The following CNTNAP2 variants were observed in gnomAD, a reference collection of about 807,000 sequenced individuals.
CNTNAP2 encodes the protein contactin associated protein 2.
A neutral mutation model predicts 155.2 loss-of-function variants in CNTNAP2; 98 were observed. That is an observed-to-expected ratio of 0.63 (90% CI 0.54 to 0.75). CNTNAP2 has a LOEUF of 0.75. CNTNAP2 is among the 30% of genes least tolerant of loss of function. CNTNAP2 has a pLI of 0.00. For missense variants in CNTNAP2, 1,727 were observed against 1,688.1 expected (o/e 1.02, Z -0.40); for synonymous variants, 651 against 631.2 (o/e 1.03, Z -0.47).
chr7:147,179,696 T>G (rs1177259190), intron 8 of CNTNAP2, among the ~76,000 whole-genome samples: 3 of 152,070 alleles, frequency 2.0e-5, no homozygotes, highest in African/African-American at 7.2e-5. Flanking sequence ...AGAGCCTATA[T>G]TAAGTAGTTG....
intron 18 of CNTNAP2, 86 bp from the exon 19 acceptor site, chr7:148,217,202 A>T: frequency 1.5e-6 from 2 of 1,310,496 alleles, no homozygotes; most frequent in East Asian, 2.3e-5. Context: ...CAGTGCCTGC[A>T]CTCCATGAAC....
chr7:147,887,976 G>A (rs1799628313), intron 13 of CNTNAP2, among the ~76,000 whole-genome samples: 1 of 152,156 alleles, frequency 6.6e-6, no homozygotes, highest in African/African-American at 2.4e-5. Flanking sequence ...TCCCAGATTG[G>A]TAATGTCTCC....
chr7:146,564,276 G>C (rs1798324081), intron 1 of CNTNAP2, among the ~76,000 whole-genome samples: 1 of 152,036 alleles, frequency 6.6e-6, no homozygotes, highest in Non-Finnish European at 1.5e-5. Flanking sequence ...GTGCATAAGA[G>C]TCAAGACCTG....
chr7:146,733,357 C>A (rs182132529), intron 1 of CNTNAP2, among the ~76,000 whole-genome samples: 64 of 152,104 alleles, frequency 4.2e-4, no homozygotes, highest in African/African-American at 1.0e-3. Flanking sequence ...AAGCATTATT[C>A]TTTTCAGTTG....
intron 13 of CNTNAP2, among the ~76,000 whole-genome samples, chr7:147,735,803 T>G (rs894489637): frequency 6.6e-6 from 1 of 151,994 alleles, no homozygotes; most frequent in African/African-American, 2.4e-5. Context: ...TTTTGATCTT[T>G]GTTGGTTTAA....
At chr7:146,270,917 C>T (rs1800071672) in intron 1 of CNTNAP2, among the ~76,000 whole-genome samples, 1 of 151,982 alleles carries the variant, frequency 6.6e-6, no homozygotes, top group South Asian at 2.1e-4. Context: ...CTAATATGTA[C>T]AAGACCCCAT....
intron 21 of CNTNAP2, among the ~76,000 whole-genome samples, chr7:148,331,528 GATGGACGGATGGAGTGGATGGATGGA>G (rs2116561408): frequency 5.8e-5 from 1 of 17,098 alleles, no homozygotes; most frequent in South Asian, 1.1e-3. Flanking sequence ...GGATGGAATG[GATGGACGGATGGAGTGGATGGATGGA>G]ATGGACGGAT....
chr7:147,148,338 C>A (rs895525098), intron 8 of CNTNAP2, among the ~76,000 whole-genome samples: 6 of 141,386 alleles, frequency 4.2e-5, no homozygotes, highest in African/African-American at 1.6e-4. Context: ...TGCAGTGAGC[C>A]GAGATCCCGC....
At chr7:146,423,138 T>C (rs1056687002) in intron 1 of CNTNAP2, among the ~76,000 whole-genome samples, 1 of 152,158 alleles carries the variant, frequency 6.6e-6, no homozygotes, top group African/African-American at 2.4e-5. Flanking sequence ...TCTTTTTACC[T>C]CTTGTGCAAC....
At chr7:147,617,552 C>T (rs1217557596) in intron 12 of CNTNAP2, among the ~76,000 whole-genome samples, 7 of 152,016 alleles carry the variant, frequency 4.6e-5, no homozygotes, top group Admixed American at 4.6e-4. Context: ...CATATTGCCC[C>T]TCCCCACCCA....
At chr7:146,406,602 T>G (rs572658336) in intron 1 of CNTNAP2, among the ~76,000 whole-genome samples, 1 of 152,156 alleles carries the variant, frequency 6.6e-6, no homozygotes, top group East Asian at 1.9e-4. Flanking sequence ...AAGCACCCAG[T>G]CAAAGACTCA....
chr7:147,458,954 C>A (rs1797967966), intron 10 of CNTNAP2, among the ~76,000 whole-genome samples: 1 of 132,266 alleles, frequency 7.6e-6, no homozygotes, highest in Non-Finnish European at 1.6e-5. Flanking sequence ...ATTCCATTGG[C>A]ATTCAGCCAA....
At chr7:146,986,370 T>C (rs532877926) in intron 3 of CNTNAP2, among the ~76,000 whole-genome samples, 1 of 152,360 alleles carries the variant, frequency 6.6e-6, no homozygotes, top group Non-Finnish European at 1.5e-5. Context: ...CCATCATATA[T>C]ATGTACACCG....
At chr7:147,518,494 A>G (rs537684046) in intron 11 of CNTNAP2, among the ~76,000 whole-genome samples, 1 of 152,310 alleles carries the variant, frequency 6.6e-6, no homozygotes, top group African/African-American at 2.4e-5. Context: ...GCACATGTAC[A>G]TACAGATGCT....
chr7:147,566,009 G>A (rs1435060244), intron 12 of CNTNAP2, among the ~76,000 whole-genome samples: 7 of 151,250 alleles, frequency 4.6e-5, no homozygotes, highest in Non-Finnish European at 7.4e-5. Context: ...GGCGGGACAC[G>A]ATGACTCACG....
At chr7:146,248,169 C>A (rs79564151) in intron 1 of CNTNAP2, among the ~76,000 whole-genome samples, 5 of 151,264 alleles carry the variant, frequency 3.3e-5, no homozygotes, top group Admixed American at 6.6e-5. Context: ...ATAAGAGGTC[C>A]GGGTGCGGAA....
At chr7:147,561,769 C>T (rs1174205557) in intron 11 of CNTNAP2, among the ~76,000 whole-genome samples, 2 of 151,944 alleles carry the variant, frequency 1.3e-5, no homozygotes, top group Non-Finnish European at 2.9e-5. Context: ...TAGTTCATAA[C>T]CAACAAAGCA....
At chr7:146,965,822 C>T (rs1797647089) in intron 3 of CNTNAP2, among the ~76,000 whole-genome samples, 1 of 152,186 alleles carries the variant, frequency 6.6e-6, no homozygotes, top group African/African-American at 2.4e-5. Context: ...AGGGGTCGCA[C>T]ACTTTTGAGT....
At chr7:147,131,798 A>G (rs1801378670) in intron 7 of CNTNAP2, among the ~76,000 whole-genome samples, 1 of 152,062 alleles carries the variant, frequency 6.6e-6, no homozygotes, top group South Asian at 2.1e-4. Context: ...CATAGTCCCC[A>G]CTGAGACCAG....
Sources: gnomAD v4.1 joint callset for allele counts (sites outside exome capture counted in the v4.1 genomes callset) on GRCh38, gnomAD v4.1.1 for gene constraint, MANE v1.5 for transcripts, NCBI Gene and HGNC (gene_info 2026-07-23, HGNC 2026-07-21) for gene names.